Variants in PDS5B observed in about 807,000 individuals in gnomAD.
PDS5B encodes the protein PDS5 cohesin associated factor B, also known as sister chromatid cohesion protein PDS5 homolog B.
Under a neutral mutation model 184.1 loss-of-function variants are expected in PDS5B, and 51 were observed. The ratio of observed to expected loss-of-function variants is 0.28; its 90% CI spans 0.22 to 0.35. The LOEUF is 0.35. Ranked by LOEUF, PDS5B falls within the 10% of genes least tolerant of loss-of-function variation. The pLI is 1.00. For missense variants in PDS5B, 1,180 were observed against 1,723.3 expected (o/e 0.68, Z 5.58); for synonymous variants, 566 against 569.2 (o/e 0.99, Z 0.08).
chr13:32,667,425 C>T (rs1950830013), intron 6 of PDS5B, among the ~76,000 whole-genome samples: 1 of 152,034 alleles, frequency 6.6e-6, no homozygotes, highest in African/African-American at 2.4e-5. Context: ...TTTTTTGGAC[C>T]TGAAGTGGAA....
chr13:32,615,279 A>G (rs2058201472), intron 1 of PDS5B, among the ~76,000 whole-genome samples: 1 of 152,176 alleles, frequency 6.6e-6, no homozygotes, highest in South Asian at 2.1e-4. Flanking sequence ...GTAAGCAGGG[A>G]TACTCCTGGT....
intron 19 of PDS5B, among the ~76,000 whole-genome samples, chr13:32,720,287 A>G (rs140582190): frequency 1.6e-4 from 24 of 152,302 alleles, no homozygotes; most frequent in African/African-American, 5.5e-4. Context: ...ATTAGTTAGC[A>G]TTCCAACAAT....
rs1555314396 is a variant in PDS5B at position 32,741,064 on chromosome 13, T to TTC, written c.2407-16_2407-15insTC. On this transcript the variant is annotated splice_polypyrimidine_tract_variant and intron_variant, in intron 21 of 34. Transcript: ENST00000315596. ...TTAAAGTCCCTGGTTTTTTTTTTTT[T>TTC]CTCGTTTATTTTTAGCTTCCAGGGA... 18 of 1,377,252 alleles carry TTC rather than the reference T, an allele frequency of 1.3e-5. No homozygotes were observed. The African/African-American group carries it at 1.3e-4, about 10-fold the overall frequency. The allele number at this position is 1,377,252 out of a possible 1,614,324, so 85.3% of individuals were successfully genotyped here. A position where few individuals can be genotyped will look rare whatever the true frequency, so the allele number is the denominator to read the frequency against.
In PDS5B at chr13:32,642,343, T is replaced by G. The variant is rs538266919; in HGVS notation, c.-19-6411T>G. On this transcript the variant is annotated intron_variant, in intron 1 of 34. Coordinates refer to ENST00000315596, the MANE Select transcript of PDS5B (RefSeq NM_015032.4). ...TAGCATAAATGTTATATGCTACTTT[T>G]CTTAAGGAGCTTACAGTCTAGTGGG... Among the ~76,000 whole-genome samples the G allele has an allele frequency of 8.5e-5, 13 of 152,298 alleles. No homozygotes were observed. The South Asian group carries it at 1.2e-3, about 15-fold the overall frequency.
intron 1 of PDS5B, among the ~76,000 whole-genome samples, chr13:32,620,293 C>T (rs1163206799): frequency 1.3e-5 from 2 of 152,164 alleles, no homozygotes; most frequent in Admixed American, 6.5e-5. Flanking sequence ...ACTGTGGTTT[C>T]TTTCCAATCC....
intron 20 of PDS5B, among the ~76,000 whole-genome samples, chr13:32,734,199 G>A (rs879791490): frequency 6.8e-6 from 1 of 147,054 alleles, no homozygotes; most frequent in Non-Finnish European, 1.5e-5. Context: ...GCTAATTTTT[G>A]TATTTTTAGC....
intron 10 of PDS5B, among the ~76,000 whole-genome samples, 182 bp downstream of exon 10, chr13:32,679,111 G>A (rs1275808958): frequency 2.0e-5 from 3 of 150,490 alleles, no homozygotes; most frequent in Non-Finnish European, 3.0e-5. Flanking sequence ...ATAGAGACAA[G>A]GTCTCGCTAT....
At chr13:32,748,164 C>G (rs1444603900) in intron 24 of PDS5B, among the ~76,000 whole-genome samples, 1 of 152,214 alleles carries the variant, frequency 6.6e-6, no homozygotes, top group Non-Finnish European at 1.5e-5. Context: ...CAAAGCTTTT[C>G]TGTAATCTGT....
intron 1 of PDS5B, among the ~76,000 whole-genome samples, chr13:32,631,230 C>T (rs191217942): frequency 2.7e-4 from 40 of 150,694 alleles, no homozygotes; most frequent in Admixed American, 2.7e-3. Flanking sequence ...GATCCTCTCA[C>T]CTCAGCCTCC....
At chr13:32,752,020 G>A (rs1954001764) in intron 24 of PDS5B, among the ~76,000 whole-genome samples, 1 of 152,052 alleles carries the variant, frequency 6.6e-6, no homozygotes, top group South Asian at 2.1e-4. Flanking sequence ...TGAAGAAATT[G>A]TTACAATAGT....
Position 32,658,291 on chromosome 13 carries a change from G to A in PDS5B, c.365G>A (p.Ser122Asn). The change falls in exon 4 of 35, where the codon AGC (serine) becomes AAC (asparagine). Residue 122 changes from serine to asparagine, a missense_variant. This residue lies in a region of PDS5B where 22 missense variants were observed against 46.8 expected (regional missense o/e 0.47). Coordinates refer to ENST00000315596, the MANE Select transcript of PDS5B (RefSeq NM_015032.4). ...TTGAAGGGGCTAGAGGATACAAAGAGCCCACAATTCAATAGGTATTTTTAT... is the reference window on the plus strand; with the variant it reads ...TTGAAGGGGCTAGAGGATACAAAGAACCCACAATTCAATAGGTATTTTTAT... ...RQLKGLEDTKSPQFNRYFYLL... is the reference protein window; with the variant it reads ...RQLKGLEDTKNPQFNRYFYLL... The A allele has an allele frequency of 6.5e-7, 1 of 1,529,950 alleles. No individual in the cohort carries two copies. The highest frequency in any genetic ancestry group is 9.0e-7 in the Non-Finnish European group (1 of 1,107,224). The allele number at this position is 1,529,950 out of a possible 1,614,324, so 94.8% of individuals were successfully genotyped here.
rs538765935 is a variant in PDS5B at position 32,667,923 on chromosome 13, A to G, written c.705+79A>G. 100 of 661,146 alleles carry G rather than the reference A, an allele frequency of 1.5e-4. 9 individuals are homozygous for G. The South Asian group carries it at 2.0e-3, about 13-fold the overall frequency. 41.0% of individuals were successfully genotyped at this position (661,146 alleles called of 1,614,324 possible). A position where few individuals can be genotyped will look rare whatever the true frequency, so the allele number is the denominator to read the frequency against. ...CTTGCTAGAAGCAAAATTTCATCAG[A>G]TAGTATATAGTTTTAAAAACAACAA... On this transcript the variant is annotated intron_variant, in intron 7 of 34. Coordinates refer to ENST00000315596, the MANE Select transcript of PDS5B (RefSeq NM_015032.4).
At chr13:32,632,421 A>G (rs767315095) in intron 1 of PDS5B, among the ~76,000 whole-genome samples, 1 of 152,246 alleles carries the variant, frequency 6.6e-6, no homozygotes, top group African/African-American at 2.4e-5. Flanking sequence ...ACTCAACACC[A>G]TTAATCATTA....
intron 1 of PDS5B, among the ~76,000 whole-genome samples, chr13:32,597,548 G>A (rs566903108): frequency 6.1e-4 from 92 of 151,788 alleles, no homozygotes; most frequent in African/African-American, 2.0e-3. Context: ...GAAAGAGGCC[G>A]GGCGCAGTGG....
intron 2 of PDS5B, chr13:32,650,264 T>C (rs1165347225): frequency 6.6e-6 from 1 of 152,218 alleles, no homozygotes; most frequent in African/African-American, 2.4e-5. Flanking sequence ...ATTTAATGTT[T>C]GTAATATGCT....
intron 3 of PDS5B, 151 bp downstream of exon 3, chr13:32,652,158 T>TC (rs1329857687): frequency 1.6e-6 from 1 of 612,470 alleles, no homozygotes; most frequent in Non-Finnish European, 2.8e-6. Flanking sequence ...TTTTTTTTTT[T>TC]TTAGAACTTA....
At chr13:32,645,854 T>C (rs1344603926) in intron 1 of PDS5B, among the ~76,000 whole-genome samples, 3 of 152,214 alleles carry the variant, frequency 2.0e-5, no homozygotes, top group Admixed American at 2.0e-4. Flanking sequence ...TTAACATTTG[T>C]CTCCCAAAAC....
chr13:32,632,422 T>G (rs997666013), intron 1 of PDS5B, among the ~76,000 whole-genome samples: 3 of 152,138 alleles, frequency 2.0e-5, no homozygotes, highest in African/African-American at 7.2e-5. Flanking sequence ...CTCAACACCA[T>G]TAATCATTAG....
At chr13:32,667,568 T>C (rs971129215) in intron 6 of PDS5B, among the ~76,000 whole-genome samples, 196 bp from the exon 7 acceptor site, 2 of 152,164 alleles carry the variant, frequency 1.3e-5, no homozygotes, top group Admixed American at 6.6e-5. Flanking sequence ...AATATAATTA[T>C]CCTTACGTGG....
Sources: gnomAD v4.1 joint callset for allele counts (sites outside exome capture counted in the v4.1 genomes callset) on GRCh38, gnomAD v4.1.1 for gene constraint, gnomAD v4.1.1 regional missense constraint, MANE v1.5 for transcripts, NCBI Gene and HGNC (gene_info 2026-07-23, HGNC 2026-07-21) for gene names.